TFAP2D: variants seen among roughly 807,000 people sequenced by gnomAD.
TFAP2D encodes transcription factor AP-2 delta, also known as transcription factor AP-2-delta.
Under a neutral mutation model 43.6 loss-of-function variants are expected in TFAP2D, and 9 were observed. The ratio of observed to expected loss-of-function variants is 0.21; its 90% CI spans 0.12 to 0.36. The LOEUF (loss-of-function observed/expected upper bound fraction) is 0.36, where lower values mean the gene tolerates loss of function less well. Ranked by LOEUF, TFAP2D falls within the 10% of genes least tolerant of loss-of-function variation. The pLI is 1.00. For synonymous variants in TFAP2D, 256 were observed against 224.9 expected (o/e 1.14, Z -1.24); for missense variants, 513 against 561.4 (o/e 0.91, Z 0.87).
chr6:50,769,171 G>C (rs1293835126), intron 7 of TFAP2D, among the ~76,000 whole-genome samples: 1 of 152,164 alleles, frequency 6.6e-6, no homozygotes, highest in Non-Finnish European at 1.5e-5. Flanking sequence ...TGGGATTACA[G>C]GCATGAGCCA....
chr6:50,749,849 C>G (rs1166607723), intron 6 of TFAP2D, among the ~76,000 whole-genome samples: 2 of 151,768 alleles, frequency 1.3e-5, no homozygotes, highest in Admixed American at 6.6e-5. Context: ...CCAACTGGCC[C>G]TTTAGGAAGG....
At chr6:50,748,351 G>A (rs1040660343) in intron 6 of TFAP2D, among the ~76,000 whole-genome samples, 1 of 151,804 alleles carries the variant, frequency 6.6e-6, no homozygotes, top group Non-Finnish European at 1.5e-5. Flanking sequence ...TTACATCCTG[G>A]TCAGTTCACC....
In TFAP2D at chr6:50,728,981, G is replaced by C; in HGVS notation, c.724G>C (p.Glu242Gln). The C allele has an allele frequency of 6.2e-7, 1 of 1,613,970 alleles. No homozygotes were observed. The highest frequency in any genetic ancestry group is 8.5e-7 in the Non-Finnish European group (1 of 1,179,916). ...GGTAAAGAGGCGCCTCTCCCCACCT[G>C]AGTGCCTCAATGCTTCACTCTTGGG... is the stretch of plus-strand genomic sequence containing the variant. ...AEVKRRLSPP[E>Q]CLNASLLGGI... Residue 242 changes from glutamate (E) to glutamine (Q), a missense_variant, in exon 4 of 8, where the codon GAG (glutamate) becomes CAG (glutamine). By Grantham distance (29) the Glu-to-Gln change is conservative. Around this residue, in one of 3 missense-constraint regions of TFAP2D, gnomAD observed 311 missense variants for 316.2 expected, o/e 0.98. Coordinates refer to ENST00000008391, the MANE Select transcript of TFAP2D (RefSeq NM_172238.4).
At chr6:50,746,303 C>G (rs1769124467) in intron 6 of TFAP2D, among the ~76,000 whole-genome samples, 1 of 152,042 alleles carries the variant, frequency 6.6e-6, no homozygotes, top group Non-Finnish European at 1.5e-5. Context: ...GTGGTGCGAT[C>G]ATGGCTCACT....
At chr6:50,719,226 T>C in intron 3 of TFAP2D, 76 bp downstream of exon 3, 1 of 1,449,572 alleles carries the variant, frequency 6.9e-7, no homozygotes, top group Admixed American at 1.8e-5. Flanking sequence ...GATCTGGTTG[T>C]GCTCAGATTC....
intron 6 of TFAP2D, among the ~76,000 whole-genome samples, chr6:50,750,247 A>C (rs1175942699): frequency 6.6e-6 from 1 of 151,926 alleles, no homozygotes; most frequent in African/African-American, 2.4e-5. Context: ...CTTTGTTTAC[A>C]TTGATAATCA....
Position 50,715,115 on chromosome 6 carries a change from G to T in TFAP2D, c.40-1G>T. On this transcript the variant is annotated splice_acceptor_variant, in intron 1 of 7. Transcript: ENST00000008391. LOFTEE classifies it high-confidence loss of function. ...CTCCCTTTTCCCCCTCTTCCTTCCA[G>T]ATACGTCACGACGGATCAAACAGCT... 1 of 1,610,818 alleles carries T rather than the reference G, an allele frequency of 6.2e-7. No individual in the cohort carries two copies. Among genetic ancestry groups the T allele is most frequent in the South Asian group, 1.1e-5 (1 of 91,032 alleles).
chr6:50,715,741 TC>T (rs1768614282), intron 2 of TFAP2D, 128 bp downstream of exon 2: 1 of 724,058 alleles, frequency 1.4e-6, no homozygotes, highest in African/African-American at 2.0e-5. Context: ...TCTCTCTCTC[TC>T]TCTCTCTCAC....
chr6:50,763,568 C>T (rs1381251946), intron 7 of TFAP2D, among the ~76,000 whole-genome samples: 1 of 152,156 alleles, frequency 6.6e-6, no homozygotes, highest in African/African-American at 2.4e-5. Context: ...ATCCATGCAG[C>T]ATTTCAGTGA....
At chr6:50,751,443 C>G (rs1202438483) in intron 7 of TFAP2D, 119 bp downstream of exon 7, 1 of 669,576 alleles carries the variant, frequency 1.5e-6, no homozygotes, top group East Asian at 2.8e-5. Context: ...CTAGTCCTTT[C>G]AGATGGGCTA....
intron 6 of TFAP2D, among the ~76,000 whole-genome samples, chr6:50,749,142 G>T (rs1410258667): frequency 1.3e-5 from 2 of 151,822 alleles, no homozygotes; most frequent in East Asian, 1.9e-4. Context: ...GAAAGTGAGT[G>T]AGTTAAGCTG....
chr6:50,745,487 A>T (rs1336879822), intron 6 of TFAP2D, among the ~76,000 whole-genome samples: 2 of 152,186 alleles, frequency 1.3e-5, no homozygotes, highest in East Asian at 1.9e-4. Flanking sequence ...TTCTTGGAAA[A>T]CTTCTCCAGA....
rs910955225 is a variant in TFAP2D, at chr6:50,715,050, C to T, written c.40-66C>T. The T allele has an allele frequency of 9.6e-6, 15 of 1,557,402 alleles. No individual in the cohort carries two copies. The African/African-American group carries it at 1.4e-4, about 14-fold the overall frequency. ...AAAGCTCCTGGCTCCGGGAGAGCGG[C>T]GCCTTGGTTGCAAAATGACAAACCT... On this transcript the variant is annotated intron_variant, in intron 1 of 7. Transcript: ENST00000008391.
At chr6:50,765,924 C>A (rs772762019) in intron 7 of TFAP2D, among the ~76,000 whole-genome samples, 2 of 152,046 alleles carry the variant, frequency 1.3e-5, no homozygotes, top group South Asian at 2.1e-4. Flanking sequence ...GGTGTCATGT[C>A]CAAAAAATAA....
Position 50,728,964 on chromosome 6 carries a change from G to A in TFAP2D, c.707G>A (p.Arg236Lys). ...AAGGTGACCATTGCTGAGGTAAAGA[G>A]GCGCCTCTCCCCACCTGAGTGCCTC... is the stretch of plus-strand genomic sequence containing the variant. Reference protein sequence around the residue: ...KYKVTIAEVKRRLSPPECLNA... With the variant: ...KYKVTIAEVKKRLSPPECLNA... Residue 236 changes from arginine to lysine, a missense_variant, in exon 4 of 8, where the codon AGG (arginine) becomes AAG (lysine). Physicochemically the swap from Arg to Lys is conservative, Grantham distance 26 (BLOSUM62 2). Coordinates refer to ENST00000008391, the MANE Select transcript of TFAP2D (RefSeq NM_172238.4). 6.2e-7 allele frequency: 1 copy of A among 1,614,032 alleles called. No individual in the cohort carries two copies. Among genetic ancestry groups the A allele is most frequent in the Non-Finnish European group, 8.5e-7 (1 of 1,179,938 alleles).
intron 7 of TFAP2D, among the ~76,000 whole-genome samples, chr6:50,765,963 C>G (rs1033295784): frequency 5.9e-5 from 9 of 152,124 alleles, no homozygotes; most frequent in Non-Finnish European, 1.3e-4. Flanking sequence ...AAATATTTTT[C>G]CTTCTAGGAG....
intron 5 of TFAP2D, among the ~76,000 whole-genome samples, chr6:50,744,619 T>C (rs1022919531): frequency 3.3e-5 from 5 of 152,168 alleles, no homozygotes; most frequent in Non-Finnish European, 7.4e-5. Context: ...TTCATGATTT[T>C]CCAAAGTTCT....
chr6:50,728,586 C>T (rs1768840615), intron 3 of TFAP2D, among the ~76,000 whole-genome samples: 1 of 152,144 alleles, frequency 6.6e-6, no homozygotes, highest in South Asian at 2.1e-4. Context: ...CCAAAATTAG[C>T]ACTGGTGAGT....
chr6:50,755,397 C>T (rs1007520849), intron 7 of TFAP2D, among the ~76,000 whole-genome samples: 6 of 149,502 alleles, frequency 4.0e-5, no homozygotes, highest in Non-Finnish European at 5.9e-5. Flanking sequence ...TTTCTTAAAC[C>T]TGGCTTTATA....
Sources: gnomAD v4.1 joint callset for allele counts (sites outside exome capture counted in the v4.1 genomes callset) on GRCh38, gnomAD v4.1.1 for gene constraint, gnomAD v4.1.1 regional missense constraint, MANE v1.5 for transcripts, NCBI Gene and HGNC (gene_info 2026-07-23, HGNC 2026-07-21) for gene names.